PRELID2: variants seen among roughly 807,000 people sequenced by gnomAD.
PRELID2 encodes the protein PRELI domain containing 2.
A neutral mutation model predicts 28.4 loss-of-function variants in PRELID2; 25 were observed. That is an observed-to-expected ratio of 0.88 (90% confidence interval 0.64 to 1.23). The LOEUF is 1.23. PRELID2 is among the 50% of genes most tolerant of loss of function. The probability of loss-of-function intolerance (pLI) is 0.00; values close to 1 mark genes in which losing one functional copy is unlikely to be tolerated. For missense variants in PRELID2, 201 were observed against 214.4 expected (o/e 0.94, Z 0.39); for synonymous variants, 76 against 71.6 (o/e 1.06, Z -0.31).
intron 5 of PRELID2, chr5:145,795,963 G>A (rs1169469842): frequency 6.6e-6 from 1 of 152,610 alleles, no homozygotes. Context: ...AAAACTATAA[G>A]AGTGGACAAT....
At chr5:145,653,410 C>T (rs1754334394) in intron 1 of PRELID2, among the ~76,000 whole-genome samples, 1 of 152,214 alleles carries the variant, frequency 6.6e-6, no homozygotes, top group Non-Finnish European at 1.5e-5. Context: ...TAATAGACAT[C>T]TACAGAACTC....
At chr5:145,520,292 G>C in intron 1 of PRELID2, among the ~76,000 whole-genome samples, 1 of 152,140 alleles carries the variant, frequency 6.6e-6, no homozygotes, top group Non-Finnish European at 1.5e-5. Context: ...TTCTGAACTG[G>C]TGGTAAAGGC....
At chr5:145,681,860 C>A (rs1021384420) in intron 1 of PRELID2, among the ~76,000 whole-genome samples, 3 of 152,156 alleles carry the variant, frequency 2.0e-5, no homozygotes, top group African/African-American at 7.2e-5. Flanking sequence ...TTGCATCATA[C>A]CCAGCTTTGA....
chr5:145,540,965 A>C (rs1752740487), intron 1 of PRELID2, among the ~76,000 whole-genome samples: 1 of 151,986 alleles, frequency 6.6e-6, no homozygotes, highest in Non-Finnish European at 1.5e-5. Flanking sequence ...AAGTATTTAC[A>C]AGTAAAATAA....
rs113221664 is a variant in PRELID2 at position 145,729,308 on chromosome 5, G to A, written n.70+35623C>T. ...ACAACTCAAACAAATATTCCTTGGGGCCTTGAGTCCAAATTTCTTTACATT... is the reference window on the plus strand; with the variant it reads ...ACAACTCAAACAAATATTCCTTGGGACCTTGAGTCCAAATTTCTTTACATT... On this transcript the variant is annotated intron_variant and non_coding_transcript_variant, in intron 1 of 2. Transcript: ENST00000510259. 1,662 of 995,752 alleles carry A rather than the reference G, an allele frequency of 1.7e-3. 20 individuals carry two copies. The African/African-American group carries it at 0.026, about 15-fold the overall frequency. The allele number at this position is 995,752 out of a possible 1,614,324, so 61.7% of individuals were successfully genotyped here.
chr5:145,353,819 G>A, the PRELID2 span, among the ~76,000 whole-genome samples: 1 of 152,032 alleles, frequency 6.6e-6, no homozygotes, highest in Non-Finnish European at 1.5e-5. Context: ...GGGGACACAG[G>A]CAAACCACAT....
chr5:145,519,989 A>C (rs917940864), intron 1 of PRELID2, among the ~76,000 whole-genome samples: 2 of 152,230 alleles, frequency 1.3e-5, no homozygotes, highest in African/African-American at 4.8e-5. Flanking sequence ...ACCCTCATTT[A>C]GAAATAACTT....
the PRELID2 span, among the ~76,000 whole-genome samples, chr5:145,433,576 T>A: frequency 2.0e-5 from 3 of 152,026 alleles, no homozygotes; most frequent in African/African-American, 7.2e-5. Flanking sequence ...CTTTCCACAG[T>A]CCTAGAATCA....
At chr5:145,616,703 G>C (rs916048720) in intron 1 of PRELID2, among the ~76,000 whole-genome samples, 4 of 152,094 alleles carry the variant, frequency 2.6e-5, no homozygotes, top group African/African-American at 9.7e-5. Flanking sequence ...ATGGAGGCAG[G>C]GCGAGATCAC....
intron 1 of PRELID2, among the ~76,000 whole-genome samples, chr5:145,578,472 G>T (rs1275524879): frequency 6.6e-6 from 1 of 151,966 alleles, no homozygotes; most frequent in East Asian, 1.9e-4. Context: ...GGTAAATATG[G>T]CCATTTTTGG....
chr5:145,387,268 C>A, the PRELID2 span, among the ~76,000 whole-genome samples: 3 of 151,790 alleles, frequency 2.0e-5, no homozygotes, highest in African/African-American at 7.3e-5. Flanking sequence ...TTATGTTGGG[C>A]TAGTGAAATT....
the PRELID2 span, among the ~76,000 whole-genome samples, chr5:145,378,714 T>C: frequency 6.6e-6 from 1 of 152,212 alleles, no homozygotes; most frequent in Admixed American, 6.5e-5. Flanking sequence ...TTAGCTTCCT[T>C]GGATTGGGTT....
rs1258194173 is a variant in PRELID2 at position 145,817,433 on chromosome 5, A to ATT, written c.368+460_368+461insAA. ...GAATAAGCTAGTTTTATATATATAT[A>ATT]TATATATATATATATCACATGGTTT... On this transcript the variant is annotated intron_variant, in intron 4 of 6. Transcript: ENST00000683046. 1.4e-3 allele frequency among the ~76,000 whole-genome samples: 193 copies of ATT among 135,476 alleles called. 5 individuals carry two copies. In the Middle Eastern group the frequency reaches 0.02, roughly 14 times the overall value. 88.9% of individuals were successfully genotyped at this position (135,476 alleles called of 152,430 possible). A position where few individuals can be genotyped will look rare whatever the true frequency, so the allele number is the denominator to read the frequency against.
At chr5:145,799,268 A>G (rs1004385663) in intron 4 of PRELID2, among the ~76,000 whole-genome samples, 12 of 151,558 alleles carry the variant, frequency 7.9e-5, no homozygotes, top group African/African-American at 2.4e-4. Context: ...TACTACATCC[A>G]GCAAAACTAT....
chr5:145,461,093 A>G, the PRELID2 span, among the ~76,000 whole-genome samples: 1 of 152,212 alleles, frequency 6.6e-6, no homozygotes, highest in African/African-American at 2.4e-5. Context: ...AGTAGTACAA[A>G]TCAGAGCACA....
chr5:145,432,122 T>C, the PRELID2 span, among the ~76,000 whole-genome samples: 2 of 152,184 alleles, frequency 1.3e-5, no homozygotes, highest in Non-Finnish European at 2.9e-5. Flanking sequence ...AAAAAGCTTG[T>C]AGTAGTAAAA....
intron 5 of PRELID2, among the ~76,000 whole-genome samples, chr5:145,790,721 G>GTGTGTATATATATATA (rs772901344): frequency 9.0e-6 from 1 of 110,910 alleles, no homozygotes; most frequent in African/African-American, 3.1e-5. Flanking sequence ...GTGTGTGTGT[G>GTGTGTATATATATATA]TATATATATA....
At chr5:145,302,557 T>C in the PRELID2 span, among the ~76,000 whole-genome samples, 4 of 152,110 alleles carry the variant, frequency 2.6e-5, no homozygotes, top group Non-Finnish European at 4.4e-5. Context: ...CCTTTCAATA[T>C]AGATAGAGTT....
intron 1 of PRELID2, among the ~76,000 whole-genome samples, chr5:145,628,336 A>G (rs1393609098): frequency 5.3e-5 from 8 of 151,594 alleles, no homozygotes; most frequent in Non-Finnish European, 1.2e-4. Context: ...TTTTATTTTT[A>G]TTTTTTAGAC....
Sources: gnomAD v4.1 joint callset for allele counts (sites outside exome capture counted in the v4.1 genomes callset) on GRCh38, gnomAD v4.1.1 for gene constraint, MANE v1.5 for transcripts, NCBI Gene and HGNC (gene_info 2026-07-23, HGNC 2026-07-21) for gene names.